EOGT: variants seen among roughly 807,000 people sequenced by gnomAD.
The protein encoded by EOGT is EGF domain-specific O-linked N-acetylglucosamine transferase.
EOGT carries 55 observed loss-of-function variants against 70.5 expected under a neutral mutation model. The ratio of observed to expected loss-of-function variants is 0.78; its 90% CI spans 0.63 to 0.98. The LOEUF is 0.98. Ranked by LOEUF, EOGT falls within the 50% of genes least tolerant of loss-of-function variation. The probability of loss-of-function intolerance (pLI) is 0.00; values close to 1 mark genes in which losing one functional copy is unlikely to be tolerated. For synonymous variants in EOGT, 246 were observed against 217.1 expected, an observed-to-expected ratio of 1.13 and a Z score of -1.17; for missense variants, 703 against 641.9, an observed-to-expected ratio of 1.10 and a Z score of -1.03.
At position 68,988,291 on chromosome 3, in the gene EOGT, T is replaced by C. The variant is rs2090874526; in HGVS notation, c.1083+4A>G. 3.9e-6 allele frequency: 6 copies of C among 1,532,116 alleles called. No homozygotes were observed. The highest frequency in any genetic ancestry group is 4.9e-5 in the East Asian group (2 of 40,902). 94.9% of individuals were successfully genotyped at this position (1,532,116 alleles called of 1,614,324 possible). On this transcript the variant is annotated splice_donor_region_variant and intron_variant, in intron 13 of 17. Transcript: ENST00000383701. ...CACCTCAGAATCCGCAGTGTATCCA[T>C]TACCTTAGGTCCTTCTTGTGTGATG...
rs2090490311 is a variant in EOGT at position 68,977,046 on chromosome 3, G to C, written c.*572C>G. 6.5e-6 allele frequency: 1 copy of C among 152,744 alleles called. No homozygotes were observed. The highest frequency in any genetic ancestry group is 6.5e-5 in the Admixed American group (1 of 15,278). 9.5% of individuals were successfully genotyped at this position (152,744 alleles called of 1,614,324 possible). ...GTGGTGGTGCACGCCTGTAATCCCA[G>C]CTACTTGGGAGGCTAAGGCACAAGA... On this transcript the variant is annotated 3_prime_UTR_variant, in exon 18 of 18. Coordinates refer to ENST00000383701, the MANE Select transcript of EOGT (RefSeq NM_001278689.2).
Position 68,998,022 on chromosome 3 carries a change from T to A in EOGT, c.820A>T (p.Met274Leu). 3.9e-6 allele frequency: 6 copies of A among 1,551,124 alleles called. No homozygotes were observed. Among genetic ancestry groups the A allele is most frequent in the Non-Finnish European group, 5.3e-6 (6 of 1,141,032 alleles). The change falls in exon 10 of 18, where the codon ATG becomes TTG. Residue 274 changes from methionine to leucine, a missense_variant. Transcript: ENST00000383701. The stretch of plus-strand genomic sequence containing the variant: ...ACATTCTTACTTACGGTGTCCCACA[T>A]CACGATGTACACGTCAGTACTGAAT... Reference protein sequence around the residue: ...NSFSTDVYIVMWDTSSYGYGD... With the variant: ...NSFSTDVYIVLWDTSSYGYGD...
rs537917304 is a variant in EOGT at position 69,004,773 on chromosome 3, T to A, written c.516-291A>T. Among the ~76,000 whole-genome samples, 6 of 152,042 alleles carry A rather than the reference T, an allele frequency of 3.9e-5. No homozygotes were observed. In the East Asian group the frequency reaches 1.2e-3, roughly 29 times the overall value. On this transcript the variant is annotated intron_variant, in intron 7 of 17. Transcript: ENST00000383701. ...TATCATCAAAAACAAATTCAAGATA[T>A]ACCCCTTCAGCAAGGCTTGGTGGCT...
intron 8 of EOGT, among the ~76,000 whole-genome samples, chr3:69,002,795 C>T (rs1234462709): frequency 6.6e-6 from 1 of 152,114 alleles, no homozygotes; most frequent in Non-Finnish European, 1.5e-5. Context: ...GCTAGGATTA[C>T]AGGGGCATGC....
In EOGT at chr3:68,976,094, CCACT is replaced by C. The variant is rs755173485; in HGVS notation, c.*1520_*1523del. On this transcript the variant is annotated 3_prime_UTR_variant, in exon 18 of 18. Transcript: ENST00000383701. ...GTTCATAAGCAGTAAGAAATGAATC[CCACT>C]CAAAGAGTGGGGCTACATTCCAGAT... 1.3e-5 allele frequency: 2 copies of C among 152,074 alleles called. No individual in the cohort carries two copies. The highest frequency in any genetic ancestry group is 2.4e-5 in the African/African-American group (1 of 41,418). The allele number at this position is 152,074 out of a possible 1,614,324, so 9.4% of individuals were successfully genotyped here.
At chr3:69,006,259 A>G (rs1027399315) in intron 6 of EOGT, among the ~76,000 whole-genome samples, 20 of 152,128 alleles carry the variant, frequency 1.3e-4, no homozygotes, top group African/African-American at 4.8e-4. Flanking sequence ...ACAGAACAGA[A>G]CTCTGTTAAA....
At chr3:69,012,485 C>T (rs774382966) in intron 2 of EOGT, 30 bp downstream of exon 2, 113 of 152,484 alleles carry the variant, frequency 7.4e-4, no homozygotes, top group Middle Eastern at 3.4e-3. Flanking sequence ...CCATTGTCCT[C>T]CAGTGAGCTC....
rs908468075 is a variant in EOGT at position 68,997,532 on chromosome 3, C to T, written c.831+479G>A. ...AACATGTGTCTGCCACCGTATCTGG[C>T]TAATTTTTGTATTTTTAGTAGAAAC... is the stretch of plus-strand genomic sequence containing the variant. On this transcript the variant is annotated intron_variant, in intron 10 of 17. Transcript: ENST00000383701. Among the ~76,000 whole-genome samples the T allele has an allele frequency of 5.3e-5, 8 of 152,190 alleles. No homozygotes were observed. In the South Asian group the frequency reaches 1.5e-3, roughly 28 times the overall value.
intron 15 of EOGT, among the ~76,000 whole-genome samples, chr3:68,980,800 C>T (rs1002739142): frequency 1.3e-5 from 2 of 152,230 alleles, no homozygotes; most frequent in African/African-American, 4.8e-5. Flanking sequence ...CCTGCACTGC[C>T]AGTTGTGGAA....
At chr3:69,008,558 T>G (rs775870877) in intron 4 of EOGT, 30 bp from the exon 5 acceptor site, 1 of 1,504,382 alleles carries the variant, frequency 6.6e-7, no homozygotes, top group South Asian at 1.1e-5. Flanking sequence ...TTGATTTCCC[T>G]TCTTCTGACA....
chr3:68,993,055 AG>A (rs1217147910), intron 10 of EOGT, among the ~76,000 whole-genome samples: 2 of 152,298 alleles, frequency 1.3e-5, no homozygotes, highest in Admixed American at 1.3e-4. Flanking sequence ...TGTGATGGGA[AG>A]CGGCCGCCAT....
chr3:68,979,701 AG>A lies in EOGT; in HGVS notation c.1300del (p.Leu434PhefsTer22). The A allele has an allele frequency of 6.2e-7, 1 of 1,613,978 alleles. No homozygotes were observed. The highest frequency in any genetic ancestry group is 8.5e-7 in the Non-Finnish European group (1 of 1,179,882). On this transcript the variant is annotated frameshift_variant, in exon 16 of 18. Transcript: ENST00000383701. LOFTEE classifies it high-confidence loss of function. ...GMHGAGLTHL[L>X]FLPDWAAVFE... ...TACAGCAGCCCAGTCTGGAAGGAAA[AG>A]TAAATGGGTCAGACCAGCTCCATGC... is the stretch of plus-strand genomic sequence containing the variant.
At position 68,988,510 on chromosome 3, in the gene EOGT, G is replaced by T; in HGVS notation, c.992C>A (p.Pro331His). 6.5e-7 allele frequency: 1 copy of T among 1,530,712 alleles called. No individual in the cohort carries two copies. The allele number at this position is 1,530,712 out of a possible 1,614,324, so 94.8% of individuals were successfully genotyped here. Residue 331 changes from proline to histidine, a missense_variant, in exon 12 of 18, where the codon CCT (proline) becomes CAT (histidine). Transcript: ENST00000383701. Reference sequence around the variant, plus strand: ...AATGGTAGACAATGTGCTTACCAGAGGAGTATTATAGAACAGCCCATACCT... The same window carrying T: ...AATGGTAGACAATGTGCTTACCAGATGAGTATTATAGAACAGCCCATACCT... The part of the protein sequence containing the change: ...RMRYGLFYNT[P>H]LISGCQNTGL...
chr3:69,002,132 C>G (rs1392547592), intron 8 of EOGT, among the ~76,000 whole-genome samples: 1 of 152,110 alleles, frequency 6.6e-6, no homozygotes, highest in Non-Finnish European at 1.5e-5. Context: ...GCAGAGGTTG[C>G]AGTGAGCCGA....
In EOGT at chr3:68,987,489, G is replaced by C. The variant is rs772379253; in HGVS notation, c.1108C>G (p.Leu370Val). 12 of 1,613,836 alleles carry C rather than the reference G, an allele frequency of 7.4e-6. No homozygotes were observed. Among genetic ancestry groups the C allele is most frequent in the Non-Finnish European group, 9.3e-6 (11 of 1,179,868 alleles). The change falls in exon 14 of 18, where the codon CTT (leucine) becomes GTT (valine). Residue 370 changes from leucine (L) to valine (V), a missense_variant. By Grantham distance (32) the Leu-to-Val change is conservative. Transcript: ENST00000383701. ...TTCCGGTATTCTGTGCTCCGTGCAA[G>C]AATGGTGACTCGAATTTTTCCATCC... ...PKDGKIRVTILARSTEYRKIL... is the reference protein window; with the variant it reads ...PKDGKIRVTIVARSTEYRKIL...
In EOGT at chr3:69,009,649, AAG is replaced by A. The variant is rs754771542; in HGVS notation, c.196_197del (p.Cys67SerfsTer3). The A allele has an allele frequency of 1.9e-6, 3 of 1,613,012 alleles. No homozygotes were observed. The highest frequency in any genetic ancestry group is 1.7e-5 in the Admixed American group (1 of 60,012). ...AAATAATACCTACCTTATATGGACA[AAG>A]AGAGTCTTTCCTACAGACAGTGGCA... ...HIATVCRKDS[L>X]CPYKKHLEKL... is the part of the protein sequence containing the mutation. On this transcript the variant is annotated frameshift_variant, in exon 4 of 18. Transcript: ENST00000383701. LOFTEE classifies it high-confidence loss of function.
At chr3:68,996,326 G>A (rs997715932) in intron 10 of EOGT, among the ~76,000 whole-genome samples, 2 of 152,150 alleles carry the variant, frequency 1.3e-5, no homozygotes, top group African/African-American at 4.8e-5. Context: ...GTGAAATTAA[G>A]GGTCGGCAAA....
At chr3:69,004,569 T>A (rs138732021) in intron 7 of EOGT, 87 bp from the exon 8 acceptor site, 1 of 821,056 alleles carries the variant, frequency 1.2e-6, no homozygotes, top group African/African-American at 1.7e-5. Context: ...GATTACCAAT[T>A]TCCAAACTGA....
intron 1 of EOGT, among the ~76,000 whole-genome samples, chr3:69,013,256 C>A (rs901234876): frequency 6.6e-6 from 1 of 151,678 alleles, no homozygotes; most frequent in African/African-American, 2.4e-5. Flanking sequence ...GTCCCCAGCG[C>A]GCCTGGGAGG....
Sources: gnomAD v4.1 joint callset for allele counts (sites outside exome capture counted in the v4.1 genomes callset) on GRCh38, gnomAD v4.1.1 for gene constraint, MANE v1.5 for transcripts, NCBI Gene and HGNC (gene_info 2026-07-23, HGNC 2026-07-21) for gene names.